The following CDH17 variants were observed in gnomAD, a reference collection of about 807,000 sequenced individuals.
CDH17 encodes the protein cadherin-17.
Under a neutral mutation model 86.3 loss-of-function variants are expected in CDH17, and 67 were observed. That is an observed-to-expected ratio of 0.78 (90% CI 0.64 to 0.95). The LOEUF is 0.95. Ranked by LOEUF, CDH17 falls within the 40% of genes least tolerant of loss-of-function variation. The pLI, the probability that CDH17 is intolerant of heterozygous loss-of-function variation, is 0.00. For synonymous variants in CDH17, 367 were observed against 366.4 expected, an observed-to-expected ratio of 1.00 and a Z score of -0.02; for missense variants, 993 against 1,017.6, an observed-to-expected ratio of 0.98 and a Z score of 0.33.
Position 94,146,022 on chromosome 8 carries a change from A to T in CDH17, c.2073T>A (p.Thr691=), listed in dbSNP as rs376427170. The T allele has an allele frequency of 2.5e-6, 4 of 1,613,864 alleles. No individual in the cohort carries two copies. In the African/African-American group the frequency reaches 5.3e-5, roughly 22 times the overall value. Residue 691 remains threonine (T), a synonymous_variant, in exon 15 of 18, where the codon ACT becomes ACA. Transcript: ENST00000027335. ...CCCGAAATAAGTGCTGATCATCATC[A>T]GTAGCCTCGAAAATGAGACTTCCAG... The part of the protein sequence containing the change: ...SAPGSLIFEA[T]DDDQHLFRGP...
upstream of CDH17, among the ~76,000 whole-genome samples, chr8:94,213,074 G>T (rs185838494): frequency 6.6e-6 from 1 of 152,140 alleles, no homozygotes; most frequent in East Asian, 1.9e-4. Context: ...CTTCCTGGGC[G>T]TAAGTAATCC....
At chr8:94,164,753 G>C (rs1187780914) in intron 10 of CDH17, among the ~76,000 whole-genome samples, 1 of 152,176 alleles carries the variant, frequency 6.6e-6, no homozygotes, top group African/African-American at 2.4e-5. Flanking sequence ...AGATTAGTAC[G>C]CATTAACTCA....
At chr8:94,194,204 T>C (rs1029665202) in intron 2 of CDH17, among the ~76,000 whole-genome samples, 3 of 152,088 alleles carry the variant, frequency 2.0e-5, no homozygotes, top group South Asian at 4.2e-4. Flanking sequence ...AGAAGAAAAG[T>C]ATAGAGCAGA....
At position 94,161,979 on chromosome 8, in the gene CDH17, G is replaced by A. The variant is rs143221185; in HGVS notation, c.1359+107C>T. 1.3e-5 allele frequency: 9 copies of A among 707,702 alleles called. No individual in the cohort carries two copies. In the East Asian group the frequency reaches 2.4e-4, roughly 19 times the overall value. 43.8% of individuals were successfully genotyped at this position (707,702 alleles called of 1,614,324 possible). On this transcript the variant is annotated intron_variant, in intron 11 of 17. Transcript: ENST00000027335. ...ATTTGTGCACTGACCAAGGTTACCT[G>A]TTAAGTCTGGCACTTTTCCTAGCTA...
chr8:94,204,546 T>C (rs1443731865), intron 1 of CDH17, among the ~76,000 whole-genome samples: 8 of 152,206 alleles, frequency 5.3e-5, no homozygotes, highest in Non-Finnish European at 4.4e-5. Context: ...CAGTCTATCA[T>C]TGATGGGCAT....
At chr8:94,199,038 GATATATATATATATATATATATATAT>G (rs869128612) in intron 1 of CDH17, among the ~76,000 whole-genome samples, 14 of 73,392 alleles carry the variant, frequency 1.9e-4, no homozygotes, top group South Asian at 4.8e-4. Context: ...AGTTCTGATT[GATATATATATATATATATATATATAT>G]ATATATATAT....
At chr8:94,158,745 T>G (rs1248526785) in intron 12 of CDH17, among the ~76,000 whole-genome samples, 1 of 152,210 alleles carries the variant, frequency 6.6e-6, no homozygotes, top group African/African-American at 2.4e-5. Flanking sequence ...ACCTCTCTGC[T>G]GAAATGCAGC....
chr8:94,150,763 G>A (rs1812840841), intron 13 of CDH17, among the ~76,000 whole-genome samples: 1 of 151,996 alleles, frequency 6.6e-6, no homozygotes, highest in African/African-American at 2.4e-5. Flanking sequence ...TTGACCAATG[G>A]TTTTTATAGC....
At chr8:94,164,483 G>A (rs897726675) in intron 10 of CDH17, among the ~76,000 whole-genome samples, 4 of 152,198 alleles carry the variant, frequency 2.6e-5, no homozygotes, top group African/African-American at 9.7e-5. Flanking sequence ...GTCATGAATA[G>A]GGAAGGTTTA....
chr8:94,189,670 A>T (rs1389571750), intron 2 of CDH17, among the ~76,000 whole-genome samples: 2 of 152,196 alleles, frequency 1.3e-5, no homozygotes, highest in Non-Finnish European at 2.9e-5. Flanking sequence ...TTTTTACTCC[A>T]GCTTCATAAA....
At chr8:94,164,202 A>G (rs1035341790) in intron 10 of CDH17, among the ~76,000 whole-genome samples, 2 of 152,082 alleles carry the variant, frequency 1.3e-5, no homozygotes, top group African/African-American at 2.4e-5. Flanking sequence ...AACTTGTCAT[A>G]TTCATCCTTC....
chr8:94,128,209 G>A lies in CDH17; in HGVS notation c.*31C>T. 1.5e-6 allele frequency: 2 copies of A among 1,375,104 alleles called. No individual in the cohort carries two copies. Among genetic ancestry groups the A allele is most frequent in the Non-Finnish European group, 1.0e-6 (1 of 964,714 alleles). 85.2% of individuals were successfully genotyped at this position (1,375,104 alleles called of 1,614,324 possible). On this transcript the variant is annotated 3_prime_UTR_variant, in exon 18 of 18. Transcript: ENST00000027335. ...GATGGTTGTTGCTGAAATAGCACTT[G>A]CTATATAAATTCAAACATTCCTTTT... is the stretch of plus-strand genomic sequence containing the variant.
chr8:94,151,034 C>A, intron 13 of CDH17, among the ~76,000 whole-genome samples: 1 of 152,080 alleles, frequency 6.6e-6, no homozygotes, highest in East Asian at 1.9e-4. Flanking sequence ...GGCAAGACTC[C>A]CTCCAGATGT....
rs573931483 is a variant in CDH17, at chr8:94,196,727, C to T, written c.-20-2022G>A. On this transcript the variant is annotated intron_variant, in intron 1 of 17. Coordinates refer to ENST00000027335, the MANE Select transcript of CDH17 (RefSeq NM_004063.4). ...ACAAAGAGCAGCCTGTAGAATCCAGCTGCAGACATAGATAAGCAAGCTGGA... is the reference window on the plus strand; with the variant it reads ...ACAAAGAGCAGCCTGTAGAATCCAGTTGCAGACATAGATAAGCAAGCTGGA... Among the ~76,000 whole-genome samples the T allele has an allele frequency of 2.1e-3, 320 of 152,286 alleles. 1 individual carries two copies. Among genetic ancestry groups the T allele is most frequent in the African/African-American group, 7.5e-3 (310 of 41,566 alleles).
chr8:94,131,003 A>G lies in CDH17; in HGVS notation c.2168-11T>C. 7.2e-7 allele frequency: 1 copy of G among 1,381,804 alleles called. No individual in the cohort carries two copies. The highest frequency in any genetic ancestry group is 1.0e-6 in the Non-Finnish European group (1 of 974,838). 85.6% of individuals were successfully genotyped at this position (1,381,804 alleles called of 1,614,324 possible). On this transcript the variant is annotated splice_polypyrimidine_tract_variant and intron_variant, in intron 15 of 17. Coordinates refer to ENST00000027335, the MANE Select transcript of CDH17 (RefSeq NM_004063.4). The stretch of plus-strand genomic sequence containing the variant: ...GTCGGGCATGAGTACCTGCCAGGAC[A>G]GGAAAAAAAAATGAAAATACAACTT...
At chr8:94,177,199 G>C (rs1813390943) in intron 4 of CDH17, among the ~76,000 whole-genome samples, 1 of 152,086 alleles carries the variant, frequency 6.6e-6, no homozygotes, top group Admixed American at 6.6e-5. Context: ...ACGCCCAAAG[G>C]AGCTCCATCC....
intron 12 of CDH17, among the ~76,000 whole-genome samples, chr8:94,153,261 G>GA (rs559608701): frequency 3.9e-4 from 59 of 152,106 alleles, no homozygotes; most frequent in African/African-American, 1.4e-3. Context: ...CAAGTATATG[G>GA]AAAAAAATGC....
intron 15 of CDH17, among the ~76,000 whole-genome samples, chr8:94,140,616 GA>G (rs1257558987): frequency 6.6e-6 from 1 of 151,344 alleles, no homozygotes; most frequent in Non-Finnish European, 1.5e-5. Flanking sequence ...AACAAAAACA[GA>G]AAAAAAATCA....
At chr8:94,153,922 T>C (rs1563571666) in intron 12 of CDH17, among the ~76,000 whole-genome samples, 1 of 152,138 alleles carries the variant, frequency 6.6e-6, no homozygotes, top group Non-Finnish European at 1.5e-5. Flanking sequence ...GGTAAAAGCA[T>C]GCAAAATTTC....
Sources: allele counts gnomAD v4.1 joint callset (sites outside exome capture counted in the v4.1 genomes callset), GRCh38; gene constraint gnomAD v4.1.1; transcripts MANE v1.5; gene names NCBI Gene and HGNC (gene_info 2026-07-23, HGNC 2026-07-21).